Variants in KLHL8 observed in about 807,000 individuals in gnomAD.
KLHL8 encodes kelch-like protein 8.
In KLHL8, 38 loss-of-function variants were observed where a neutral mutation model predicts 63.5. The observed-to-expected ratio is 0.60, with a 90% CI of 0.46 to 0.78. The LOEUF (loss-of-function observed/expected upper bound fraction) is 0.78. Ranked by LOEUF, KLHL8 falls within the 30% of genes least tolerant of loss-of-function variation. The probability of loss-of-function intolerance (pLI) is 0.00; values close to 1 mark genes in which losing one functional copy is unlikely to be tolerated. For synonymous variants in KLHL8, 224 were observed against 254.3 expected, an observed-to-expected ratio of 0.88 and a Z score of 1.13; for missense variants, 566 against 752.4, an observed-to-expected ratio of 0.75 and a Z score of 2.90.
At chr4:87,232,098 TA>T (rs1358900803) in intron 1 of KLHL8, among the ~76,000 whole-genome samples, 1 of 152,214 alleles carries the variant, frequency 6.6e-6, no homozygotes, top group African/African-American at 2.4e-5. Flanking sequence ...TATGAGTGTA[TA>T]AAAAGGATAA....
chr4:87,194,228 C>G (rs558017857), intron 2 of KLHL8, among the ~76,000 whole-genome samples: 1 of 152,288 alleles, frequency 6.6e-6, no homozygotes, highest in Admixed American at 6.5e-5. Flanking sequence ...CCATTTTGTC[C>G]TTCTGCCTTC....
chr4:87,170,524 C>G lies in KLHL8; in HGVS notation c.1300G>C (p.Asp434His). 6.2e-7 allele frequency: 1 copy of G among 1,614,036 alleles called. No individual in the cohort carries two copies. Among genetic ancestry groups the G allele is most frequent in the Non-Finnish European group, 8.5e-7 (1 of 1,179,920 alleles). The change falls in exon 7 of 10, where the codon GAC (aspartate) becomes CAC (histidine). Residue 434 changes from aspartate (D) to histidine (H), a missense_variant. Asp to His is a moderately conservative substitution (Grantham distance 81). Coordinates refer to ENST00000273963, the MANE Select transcript of KLHL8 (RefSeq NM_020803.5). The stretch of plus-strand genomic sequence containing the variant: ...GTACTCCACTGATCAGATTCTATGT[C>G]ATATCTCTCCACATCATTGAAGCAA... ...NTCFNDVERY[D>H]IESDQWSTVA...
chr4:87,190,567 C>A (rs915564955), intron 2 of KLHL8, among the ~76,000 whole-genome samples: 1 of 151,800 alleles, frequency 6.6e-6, no homozygotes, highest in African/African-American at 2.4e-5. Flanking sequence ...TCGCTTGAAC[C>A]CGGGAGGCAG....
At chr4:87,231,920 C>T (rs1201268058) in intron 1 of KLHL8, among the ~76,000 whole-genome samples, 2 of 152,164 alleles carry the variant, frequency 1.3e-5, no homozygotes, top group African/African-American at 4.8e-5. Context: ...TTATTGTTCA[C>T]ACTATCTCAC....
At chr4:87,225,554 A>G (rs950656496), upstream of KLHL8, among the ~76,000 whole-genome samples, 1 of 152,214 alleles carries the variant, frequency 6.6e-6, no homozygotes, top group Admixed American at 6.5e-5. Flanking sequence ...ACAATAGTCA[A>G]GTCTCACTGG....
chr4:87,208,079 C>A (rs562438720), intron 1 of KLHL8: 35 of 570,500 alleles, frequency 6.1e-5, no homozygotes, highest in African/African-American at 5.7e-4. Context: ...GCCCACATGG[C>A]CTCCAAAAGG....
intron 1 of KLHL8, among the ~76,000 whole-genome samples, chr4:87,212,047 G>A (rs529691059): frequency 1.3e-5 from 2 of 151,880 alleles, no homozygotes; most frequent in South Asian, 4.2e-4. Context: ...TTAATGAAAG[G>A]GAAAATGATC....
chr4:87,161,098 C>T lies in KLHL8; in HGVS notation c.*2421G>A, dbSNP rs1033676329. The T allele has an allele frequency of 2.9e-5, 4 of 137,806 alleles. No homozygotes were observed. The highest frequency in any genetic ancestry group is 5.5e-5 in the African/African-American group (2 of 36,058). 8.5% of individuals were successfully genotyped at this position (137,806 alleles called of 1,614,324 possible). A position where few individuals can be genotyped will look rare whatever the true frequency, so the allele number is the denominator to read the frequency against. ...TCACTCTTGTTTCACCGCTGGAGTGCGATGGCTCAACCTCGGCTCATTGCA... is the reference window on the plus strand; with the variant it reads ...TCACTCTTGTTTCACCGCTGGAGTGTGATGGCTCAACCTCGGCTCATTGCA... On this transcript the variant is annotated 3_prime_UTR_variant, in exon 10 of 10. Transcript: ENST00000273963.
intron 1 of KLHL8, chr4:87,207,037 T>G: frequency 2.8e-6 from 1 of 361,426 alleles, no homozygotes; most frequent in Non-Finnish European, 5.3e-6. Flanking sequence ...GCTCCTCCCA[T>G]TTGACACACA....
At chr4:87,164,701 G>A (rs1414668733) in intron 8 of KLHL8, among the ~76,000 whole-genome samples, 3 of 152,118 alleles carry the variant, frequency 2.0e-5, no homozygotes, top group African/African-American at 4.8e-5. Context: ...CTGTTCCTGA[G>A]GTTATAGAGA....
At chr4:87,203,263 C>T (rs1047480359) in intron 1 of KLHL8, among the ~76,000 whole-genome samples, 1 of 147,016 alleles carries the variant, frequency 6.8e-6, no homozygotes, top group African/African-American at 2.4e-5. Context: ...CATGGCTGAG[C>T]ACAGTGGCTC....
chr4:87,197,672 T>C (rs1195619036), intron 1 of KLHL8, among the ~76,000 whole-genome samples: 4 of 152,170 alleles, frequency 2.6e-5, no homozygotes, highest in Non-Finnish European at 4.4e-5. Flanking sequence ...AAAATGAATA[T>C]AGACACCTTC....
At position 87,198,336 on chromosome 4, in the gene KLHL8, A is replaced by T. The variant is rs190900830; in HGVS notation, c.-151-2646T>A. Among the ~76,000 whole-genome samples the T allele has an allele frequency of 2.8e-3, 430 of 152,278 alleles. 1 individual carries two copies. The highest frequency in any genetic ancestry group is 4.9e-3 in the Non-Finnish European group (331 of 68,022). ...CTGTGTCTAATAAAATAAAATAAGA[A>T]AAAACACTTGGTGAGTGTGATTTAA... On this transcript the variant is annotated intron_variant, in intron 1 of 9. Transcript: ENST00000273963.
At chr4:87,224,177 T>G (rs1490629297), upstream of KLHL8, among the ~76,000 whole-genome samples, 1 of 152,198 alleles carries the variant, frequency 6.6e-6, no homozygotes, top group East Asian at 1.9e-4. Context: ...TTCTCCTGCC[T>G]CAGCCTCCTG....
chr4:87,190,775 G>A (rs1371553364), intron 2 of KLHL8, among the ~76,000 whole-genome samples: 1 of 152,138 alleles, frequency 6.6e-6, no homozygotes, highest in Non-Finnish European at 1.5e-5. Flanking sequence ...TCAAGGCACT[G>A]GCAAATCCAT....
In KLHL8 at chr4:87,186,367, T is replaced by C. The variant is rs575096149; in HGVS notation, c.217-568A>G. Reference sequence around the variant, plus strand: ...TCGGCCTCTTTTATATATGTATCTGTAACATACACACAACAAACCATGATT... The same window carrying C: ...TCGGCCTCTTTTATATATGTATCTGCAACATACACACAACAAACCATGATT... On this transcript the variant is annotated intron_variant, in intron 2 of 9. Coordinates refer to ENST00000273963, the MANE Select transcript of KLHL8 (RefSeq NM_020803.5). 5.9e-5 allele frequency among the ~76,000 whole-genome samples: 9 copies of C among 152,138 alleles called. No homozygotes were observed. In the South Asian group the frequency reaches 1.2e-3, roughly 21 times the overall value.
At position 87,185,821 on chromosome 4, in the gene KLHL8, A is replaced by T. The variant is rs567370628; in HGVS notation, c.217-22T>A. Reference sequence around the variant, plus strand: ...CAACCTGTTCAAAAGAAACCAAGAAAGATTCTGTTTAATATCAAAATCAGC... The same window carrying T: ...CAACCTGTTCAAAAGAAACCAAGAATGATTCTGTTTAATATCAAAATCAGC... On this transcript the variant is annotated intron_variant, in intron 2 of 9. Coordinates refer to ENST00000273963, the MANE Select transcript of KLHL8 (RefSeq NM_020803.5). 6 of 1,538,622 alleles carry T rather than the reference A, an allele frequency of 3.9e-6. No homozygotes were observed. The African/African-American group carries it at 8.3e-5, about 21-fold the overall frequency.
intron 1 of KLHL8, among the ~76,000 whole-genome samples, chr4:87,215,307 T>A (rs756641476): frequency 6.6e-6 from 1 of 152,234 alleles, no homozygotes; most frequent in Admixed American, 6.5e-5. Context: ...CTTTTATATA[T>A]AAAGTATGCT....
chr4:87,184,777 A>T (rs1029190703), intron 3 of KLHL8, among the ~76,000 whole-genome samples: 3 of 152,180 alleles, frequency 2.0e-5, no homozygotes, highest in African/African-American at 7.2e-5. Context: ...GTTTAAAAAA[A>T]GTCAAACTAC....
Sources: allele counts gnomAD v4.1 joint callset (sites outside exome capture counted in the v4.1 genomes callset), GRCh38; gene constraint gnomAD v4.1.1; transcripts MANE v1.5; gene names NCBI Gene and HGNC (gene_info 2026-07-23, HGNC 2026-07-21).